NWD2: variants seen among roughly 807,000 people sequenced by gnomAD.
NWD2 encodes the protein NACHT and WD repeat domain containing 2.
NWD2 carries 37 observed loss-of-function variants against 132.7 expected under a neutral mutation model. The observed-to-expected ratio is 0.28, with a 90% CI of 0.21 to 0.37. NWD2 has a LOEUF of 0.37. Ranked by LOEUF, NWD2 falls within the 10% of genes least tolerant of loss-of-function variation. NWD2 has a pLI of 1.00. For missense variants in NWD2, 1,592 were observed against 2,122.4 expected (o/e 0.75, Z 4.91); for synonymous variants, 705 against 803.0 (o/e 0.88, Z 2.06).
At chr4:37,251,616 A>T (rs1717361601) in intron 1 of NWD2, among the ~76,000 whole-genome samples, 1 of 152,242 alleles carries the variant, frequency 6.6e-6, no homozygotes, top group Non-Finnish European at 1.5e-5. Flanking sequence ...TGAAACCTGC[A>T]TGTTAGCCAC....
intron 3 of NWD2, among the ~76,000 whole-genome samples, chr4:37,419,752 A>G (rs950424432): frequency 6.6e-6 from 1 of 152,318 alleles, no homozygotes; most frequent in East Asian, 1.9e-4. Flanking sequence ...CGTACCACAC[A>G]TTATGGGAAT....
chr4:37,383,777 C>G (rs1043436112), intron 3 of NWD2, among the ~76,000 whole-genome samples: 12 of 152,112 alleles, frequency 7.9e-5, no homozygotes, highest in Non-Finnish European at 1.5e-4. Context: ...GGACTCTGAA[C>G]GTTTTTAGTA....
At chr4:37,419,391 T>C (rs1711739191) in intron 3 of NWD2, among the ~76,000 whole-genome samples, 1 of 152,124 alleles carries the variant, frequency 6.6e-6, no homozygotes, top group Non-Finnish European at 1.5e-5. Flanking sequence ...AAAGCCAAAA[T>C]TGACAAATGG....
intron 2 of NWD2, among the ~76,000 whole-genome samples, chr4:37,335,708 T>C (rs1350190008): frequency 6.6e-6 from 1 of 151,658 alleles, no homozygotes; most frequent in East Asian, 1.9e-4. Context: ...ATCTAGGTTG[T>C]GGACTCCTTA....
rs1024524953 is a variant in NWD2, at chr4:37,447,520, T to G, written c.*303T>G. The G allele has an allele frequency of 6.6e-5, 25 of 381,206 alleles. No homozygotes were observed. Among genetic ancestry groups the G allele is most frequent in the African/African-American group, 4.9e-4 (24 of 49,462 alleles). The allele number at this position is 381,206 out of a possible 1,614,324, so 23.6% of individuals were successfully genotyped here. On this transcript the variant is annotated 3_prime_UTR_variant, in exon 7 of 7. Transcript: ENST00000309447. Reference sequence around the variant, plus strand: ...AGGCAGCATAATACATCCCACTGGTTAAGATGAGAGAGGCTAGAGTTATAT... The same window carrying G: ...AGGCAGCATAATACATCCCACTGGTGAAGATGAGAGAGGCTAGAGTTATAT...
chr4:37,419,748 A>G (rs1382316501), intron 3 of NWD2, among the ~76,000 whole-genome samples: 1 of 152,208 alleles, frequency 6.6e-6, no homozygotes, highest in Non-Finnish European at 1.5e-5. Context: ...CTTACGTACC[A>G]CACATTATGG....
chr4:37,304,909 C>T (rs746937570), intron 1 of NWD2, among the ~76,000 whole-genome samples: 15 of 152,168 alleles, frequency 9.9e-5, no homozygotes, highest in Admixed American at 2.6e-4. Context: ...GGACAGTGTG[C>T]GGGGGCTTCA....
chr4:37,257,647 TAAAA>T (rs1225384171), intron 1 of NWD2, among the ~76,000 whole-genome samples: 1 of 152,150 alleles, frequency 6.6e-6, no homozygotes, highest in Non-Finnish European at 1.5e-5. Flanking sequence ...ACTTCCTTCT[TAAAA>T]AAACTATAGC....
intron 2 of NWD2, among the ~76,000 whole-genome samples, chr4:37,352,256 CT>C (rs1375812466): frequency 5.3e-5 from 8 of 152,146 alleles, no homozygotes; most frequent in African/African-American, 1.9e-4. Context: ...TCTTGTTCAT[CT>C]GTCTAATATT....
chr4:37,366,986 C>G (rs760982183), intron 3 of NWD2, among the ~76,000 whole-genome samples: 1 of 152,128 alleles, frequency 6.6e-6, no homozygotes, highest in African/African-American at 2.4e-5. Flanking sequence ...ACCTAATTAA[C>G]ATTTATAGAA....
At chr4:37,436,684 T>C (rs1399884151) in intron 5 of NWD2, among the ~76,000 whole-genome samples, 1 of 152,194 alleles carries the variant, frequency 6.6e-6, no homozygotes, top group East Asian at 1.9e-4. Flanking sequence ...TTCCTTTCTC[T>C]TCATGATGCT....
intron 1 of NWD2, among the ~76,000 whole-genome samples, chr4:37,256,136 A>G (rs1443113910): frequency 6.6e-6 from 1 of 152,188 alleles, no homozygotes; most frequent in Non-Finnish European, 1.5e-5. Context: ...GGCTCAGTGG[A>G]AAACAGCAGT....
At chr4:37,401,100 T>A (rs1720887630) in intron 3 of NWD2, among the ~76,000 whole-genome samples, 1 of 152,224 alleles carries the variant, frequency 6.6e-6, no homozygotes, top group African/African-American at 2.4e-5. Flanking sequence ...CTGATTAAAT[T>A]AAGGGCCATG....
At chr4:37,349,180 T>C (rs182971522) in intron 2 of NWD2, among the ~76,000 whole-genome samples, 2 of 152,276 alleles carry the variant, frequency 1.3e-5, no homozygotes, top group East Asian at 3.9e-4. Context: ...TGATTTATAA[T>C]CCTTTGGTTA....
chr4:37,276,281 T>C (rs1186442122), intron 1 of NWD2, among the ~76,000 whole-genome samples: 2 of 151,862 alleles, frequency 1.3e-5, no homozygotes, highest in Non-Finnish European at 2.9e-5. Flanking sequence ...CATCAAAAAG[T>C]GGGCAAAGGA....
chr4:37,343,848 A>T (rs1344760708), intron 2 of NWD2, among the ~76,000 whole-genome samples: 1 of 152,060 alleles, frequency 6.6e-6, no homozygotes, highest in African/African-American at 2.4e-5. Flanking sequence ...GGTAATCTTG[A>T]TATTTAAATA....
Position 37,443,045 on chromosome 4 carries a change from A to G in NWD2, c.1297-240A>G, listed in dbSNP as rs1712527546. ...TATTGCCGAATGAGTGAAAAATACT[A>G]TTATTGCTACTTTAGTACACTCAGT... On this transcript the variant is annotated intron_variant, in intron 6 of 6. Transcript: ENST00000309447. This position sits in a 1 kb window ranked among gnomAD's most constrained non-coding sequence, Gnocchi z 4.1. 6.6e-6 allele frequency among the ~76,000 whole-genome samples: 1 copy of G among 152,028 alleles called. No homozygotes were observed. The highest frequency in any genetic ancestry group is 2.4e-5 in the African/African-American group (1 of 41,382).
intron 1 of NWD2, among the ~76,000 whole-genome samples, chr4:37,293,885 TAAA>T (rs10579771): frequency 0.25 from 37,347 of 146,646 alleles, 5,234 homozygotes; most frequent in Middle Eastern, 0.39. Flanking sequence ...ACACTGCATT[TAAA>T]AAAAAAAAAA....
At chr4:37,408,357 C>T (rs935895521) in intron 3 of NWD2, among the ~76,000 whole-genome samples, 1 of 152,200 alleles carries the variant, frequency 6.6e-6, no homozygotes. Context: ...GGAGGGGCCT[C>T]CACCATTGCT....
Sources: allele counts gnomAD v4.1 joint callset (sites outside exome capture counted in the v4.1 genomes callset), GRCh38; gene constraint gnomAD v4.1.1; non-coding constraint Gnocchi (gnomAD v3.1); transcripts MANE v1.5; gene names NCBI Gene and HGNC (gene_info 2026-07-23, HGNC 2026-07-21).